The following THSD4 variants were observed in gnomAD, a reference collection of about 807,000 sequenced individuals.
THSD4 encodes the protein thrombospondin type 1 domain containing 4, also known as thrombospondin type-1 domain-containing protein 4.
A neutral mutation model predicts 119.0 loss-of-function variants in THSD4; 69 were observed. The observed-to-expected ratio is 0.58, with a 90% CI of 0.48 to 0.71. The LOEUF is 0.71. Among genes scored for constraint, THSD4 ranks in the 30% least tolerant of loss-of-function variants. THSD4 has a pLI of 0.00. For missense variants in THSD4, 1,393 were observed against 1,391.1 expected, an observed-to-expected ratio of 1.00 and a Z score of -0.02; for synonymous variants, 524 against 540.4, an observed-to-expected ratio of 0.97 and a Z score of 0.42.
At chr15:71,736,862 G>C (rs915377768) in intron 10 of THSD4, among the ~76,000 whole-genome samples, 5 of 152,208 alleles carry the variant, frequency 3.3e-5, no homozygotes, top group African/African-American at 9.6e-5. Context: ...TAAGGACTTG[G>C]CTACTCTTTC....
rs1238861533 is a variant in THSD4 at position 71,747,913 on chromosome 15, G to C, written c.2242-508G>C. On this transcript the variant is annotated intron_variant, in intron 13 of 17. Transcript: ENST00000261862. Reference sequence around the variant, plus strand: ...TTCTTCCCAGGCAACTTAGAACATAGTTTATTCTTCAAGGGCAGAGGTGCA... The same window carrying C: ...TTCTTCCCAGGCAACTTAGAACATACTTTATTCTTCAAGGGCAGAGGTGCA... 2.0e-5 allele frequency among the ~76,000 whole-genome samples: 3 copies of C among 152,344 alleles called. No individual in the cohort carries two copies. In the East Asian group the frequency reaches 5.8e-4, roughly 29 times the overall value.
intron 7 of THSD4, among the ~76,000 whole-genome samples, chr15:71,459,384 C>CTG (rs1178249771): frequency 1.5e-5 from 2 of 133,464 alleles, no homozygotes; most frequent in Non-Finnish European, 3.5e-5. Context: ...CTCTCTGTCT[C>CTG]TCTCTCTCTC....
In THSD4 at chr15:71,737,897, C is replaced by T. The variant is rs2053148817; in HGVS notation, c.1796C>T (p.Pro599Leu). ...FPVRHPDRFS[P>L]HRPDNLVPPA... The stretch of plus-strand genomic sequence containing the variant: ...GTCAGGCATCCAGACAGATTTTCTC[C>T]CCATCGACCGGACAACTTGGTGCCA... The change falls in exon 11 of 18, where the codon CCC (proline) becomes CTC (leucine). Residue 599 changes from proline to leucine, a missense_variant. Pro to Leu is a moderately conservative substitution (Grantham distance 98). Coordinates refer to ENST00000261862, the MANE Select transcript of THSD4 (RefSeq NM_024817.3). 1.2e-6 allele frequency: 2 copies of T among 1,614,256 alleles called. No homozygotes were observed. Among genetic ancestry groups the T allele is most frequent in the Non-Finnish European group, 1.7e-6 (2 of 1,180,036 alleles).
At chr15:71,300,286 C>T (rs1173957647) in intron 6 of THSD4, among the ~76,000 whole-genome samples, 1 of 152,164 alleles carries the variant, frequency 6.6e-6, no homozygotes, top group African/African-American at 2.4e-5. Flanking sequence ...ATGAACCTCT[C>T]CTGTCACTCA....
At chr15:71,227,517 C>G (rs1038656841) in intron 4 of THSD4, among the ~76,000 whole-genome samples, 1 of 152,222 alleles carries the variant, frequency 6.6e-6, no homozygotes, top group Non-Finnish European at 1.5e-5. Context: ...CTCATCCTAC[C>G]TGCAGGAGCC....
intron 3 of THSD4, chr15:71,167,073 G>A (rs1275055605): frequency 6.6e-6 from 1 of 152,090 alleles, no homozygotes; most frequent in Non-Finnish European, 1.5e-5. Context: ...TTCCTTGGTG[G>A]TGAGTTTCTT....
Position 71,401,898 on chromosome 15 carries a change from T to C in THSD4, c.1016-9789T>C, listed in dbSNP as rs555328570. Among the ~76,000 whole-genome samples the C allele has an allele frequency of 5.9e-5, 9 of 152,244 alleles. No individual in the cohort carries two copies. The South Asian group carries it at 1.9e-3, about 32-fold the overall frequency. On this transcript the variant is annotated intron_variant, in intron 6 of 17. Transcript: ENST00000261862. ...CTGGATTAAGAAAATATGGCACATATACACCATGGAATACTATGCAGCCAT... is the reference window on the plus strand; with the variant it reads ...CTGGATTAAGAAAATATGGCACATACACACCATGGAATACTATGCAGCCAT...
chr15:71,748,528 T>C lies in THSD4; in HGVS notation c.2349T>C (p.Asn783=), dbSNP rs749363042. ...DEECNMKLRP[N]DIENCDMGPC... is the part of the protein sequence containing the mutation. ...AATGCAACATGAAGCTCCGGCCGAATGACATTGAGAACTGCGACATGGGAC... is the reference window on the plus strand; with the variant it reads ...AATGCAACATGAAGCTCCGGCCGAACGACATTGAGAACTGCGACATGGGAC... The change falls in exon 14 of 18, where the codon AAT becomes AAC. Residue 783 remains asparagine (N), a synonymous_variant. Coordinates refer to ENST00000261862, the MANE Select transcript of THSD4 (RefSeq NM_024817.3). The C allele has an allele frequency of 8.7e-6, 14 of 1,614,032 alleles. No individual in the cohort carries two copies. The highest frequency in any genetic ancestry group is 1.1e-5 in the Non-Finnish European group (13 of 1,180,036).
At chr15:71,210,285 T>C (rs1465992308) in intron 3 of THSD4, among the ~76,000 whole-genome samples, 2 of 152,186 alleles carry the variant, frequency 1.3e-5, no homozygotes, top group African/African-American at 4.8e-5. Context: ...TTTCTTTAGG[T>C]GGGTGTTTTG....
At chr15:71,494,867 T>C (rs112624379) in intron 7 of THSD4, among the ~76,000 whole-genome samples, 108 of 152,276 alleles carry the variant, frequency 7.1e-4, no homozygotes, top group African/African-American at 2.5e-3. Context: ...TATGAAAACA[T>C]TTTGTAAATC....
At position 71,120,021 on chromosome 15, in the gene THSD4, C is replaced by T. The variant is rs182282508; in HGVS notation, c.-80+4323C>T. Among the ~76,000 whole-genome samples, 420 of 152,260 alleles carry T rather than the reference C, an allele frequency of 2.8e-3. 4 individuals are homozygous for T. The highest frequency in any genetic ancestry group is 1.6e-3 in the Non-Finnish European group (112 of 68,034). The stretch of plus-strand genomic sequence containing the variant: ...TCTCGCCCCATTTCTTTACTCTGTG[C>T]CTGATCAGTGCTTGAGACAATTGGA... On this transcript the variant is annotated intron_variant, in intron 1 of 17. Transcript: ENST00000261862.
chr15:71,584,284 T>C (rs796402722), intron 7 of THSD4, among the ~76,000 whole-genome samples: 3 of 129,872 alleles, frequency 2.3e-5, no homozygotes, highest in African/African-American at 8.1e-5. Context: ...TTTTTTTTTT[T>C]TGAGACAATG....
intron 3 of THSD4, among the ~76,000 whole-genome samples, chr15:71,160,704 T>C (rs922116630): frequency 1.3e-5 from 2 of 151,882 alleles, no homozygotes; most frequent in Admixed American, 6.6e-5. Flanking sequence ...TTTTTCTTAG[T>C]GTACCTAAGG....
chr15:71,409,436 G>A (rs2046653348), intron 6 of THSD4, among the ~76,000 whole-genome samples: 1 of 152,194 alleles, frequency 6.6e-6, no homozygotes, highest in African/African-American at 2.4e-5. Context: ...TGTAGGAGAT[G>A]AATTTTGCCT....
At chr15:71,333,852 T>C (rs141454059) in intron 6 of THSD4, among the ~76,000 whole-genome samples, 236 of 152,328 alleles carry the variant, frequency 1.5e-3, no homozygotes, top group African/African-American at 5.3e-3. Context: ...ATATGAACTT[T>C]CGTTGACAAG....
intron 7 of THSD4, among the ~76,000 whole-genome samples, chr15:71,638,516 A>G (rs1293902764): frequency 6.6e-6 from 1 of 152,232 alleles, no homozygotes; most frequent in Admixed American, 6.5e-5. Flanking sequence ...TTCTATGTCT[A>G]TGAACAGTAT....
intron 7 of THSD4, among the ~76,000 whole-genome samples, chr15:71,577,709 A>ATTTATTTATTTTATTTTATTTTATTTTAT (rs1567045038): frequency 9.1e-6 from 1 of 109,552 alleles, no homozygotes; most frequent in Non-Finnish European, 1.9e-5. Context: ...ACCTTTATTT[A>ATTTATTTATTTTATTTTATTTTATTTTAT]TTTATTTTAT....
chr15:71,740,933 C>T (rs1220645630), intron 11 of THSD4, among the ~76,000 whole-genome samples: 1 of 152,172 alleles, frequency 6.6e-6, no homozygotes. Flanking sequence ...TCTGTCCCAG[C>T]CCTGCTTGGC....
chr15:71,666,251 T>C (rs1233036136), intron 8 of THSD4, among the ~76,000 whole-genome samples: 1 of 152,196 alleles, frequency 6.6e-6, no homozygotes, highest in Non-Finnish European at 1.5e-5. Context: ...AGTATTTTGT[T>C]CTTTTTGAAT....
Sources: allele counts gnomAD v4.1 joint callset (sites outside exome capture counted in the v4.1 genomes callset), GRCh38; gene constraint gnomAD v4.1.1; transcripts MANE v1.5; gene names NCBI Gene and HGNC (gene_info 2026-07-23, HGNC 2026-07-21).